The following NCALD variants were observed in gnomAD, a reference collection of about 807,000 sequenced individuals.
NCALD encodes the protein neurocalcin-delta.
A neutral mutation model predicts 18.6 loss-of-function variants in NCALD; 10 were observed. The ratio of observed to expected loss-of-function variants is 0.54; its 90% confidence interval spans 0.33 to 0.91. The LOEUF is 0.91. Among genes scored for constraint, NCALD ranks in the 40% least tolerant of loss-of-function variants. The pLI, the probability that NCALD is intolerant of heterozygous loss-of-function variation, is 0.03. For missense variants in NCALD, 184 were observed against 247.6 expected, an observed-to-expected ratio of 0.74 and a Z score of 1.72; for synonymous variants, 88 against 87.4, an observed-to-expected ratio of 1.01 and a Z score of -0.04.
At chr8:101,732,589 G>A (rs1312986397) in intron 1 of NCALD, among the ~76,000 whole-genome samples, 1 of 66,962 alleles carries the variant, frequency 1.5e-5, no homozygotes, top group African/African-American at 5.5e-5. Context: ...CTTTTTCTTT[G>A]CTTTTTTTTT....
chr8:101,698,319 G>A (rs1271199642), intron 2 of NCALD, among the ~76,000 whole-genome samples: 6 of 152,098 alleles, frequency 3.9e-5, no homozygotes, highest in Non-Finnish European at 8.8e-5. Flanking sequence ...CCATCCTCAC[G>A]GATAGGAAGA....
chr8:102,105,639 C>A (rs1825419757), intron 1 of NCALD, among the ~76,000 whole-genome samples: 1 of 152,138 alleles, frequency 6.6e-6, no homozygotes, highest in African/African-American at 2.4e-5. Flanking sequence ...TGAGCAGAGA[C>A]CACATGACCT....
intron 1 of NCALD, among the ~76,000 whole-genome samples, chr8:102,020,946 T>G (rs1277772997): frequency 6.6e-6 from 1 of 152,104 alleles, no homozygotes; most frequent in African/African-American, 2.4e-5. Context: ...CTTTCTTCCT[T>G]CCCCACTCAC....
At chr8:102,005,024 A>G (rs1465019499) in intron 2 of NCALD, among the ~76,000 whole-genome samples, 1 of 152,238 alleles carries the variant, frequency 6.6e-6, no homozygotes, top group African/African-American at 2.4e-5. Context: ...GCCAAAATTG[A>G]CAAATGGGAT....
At chr8:101,751,964 A>T (rs1169382342) in intron 1 of NCALD, among the ~76,000 whole-genome samples, 1 of 152,224 alleles carries the variant, frequency 6.6e-6, no homozygotes, top group African/African-American at 2.4e-5. Context: ...CCAGAAAAAG[A>T]TTATTTCCCC....
chr8:101,715,536 T>C (rs1391546667), intron 2 of NCALD, among the ~76,000 whole-genome samples: 1 of 152,104 alleles, frequency 6.6e-6, no homozygotes, highest in African/African-American at 2.4e-5. Context: ...ACAGGCAACC[T>C]ATAGAATGGG....
intron 4 of NCALD, among the ~76,000 whole-genome samples, chr8:101,866,587 A>G (rs1299903288): frequency 1.3e-5 from 2 of 152,148 alleles, no homozygotes; most frequent in Non-Finnish European, 2.9e-5. Context: ...TCCTATTCTC[A>G]TAACGGCAAT....
At chr8:102,052,843 AT>A (rs1485622174) in intron 1 of NCALD, among the ~76,000 whole-genome samples, 3 of 152,324 alleles carry the variant, frequency 2.0e-5, no homozygotes, top group African/African-American at 7.2e-5. Context: ...TTCCCACAAA[AT>A]TTCATTTATG....
chr8:101,984,845 A>T (rs980987133), intron 2 of NCALD, among the ~76,000 whole-genome samples: 3 of 152,268 alleles, frequency 2.0e-5, no homozygotes, highest in Non-Finnish European at 1.5e-5. Context: ...AACTCTACCC[A>T]GGGGGTACCC....
At chr8:102,089,509 C>T (rs1824854461) in intron 1 of NCALD, among the ~76,000 whole-genome samples, 1 of 151,874 alleles carries the variant, frequency 6.6e-6, no homozygotes. Context: ...GTGGTGTTTA[C>T]ATATGAAAGA....
intron 1 of NCALD, among the ~76,000 whole-genome samples, chr8:102,069,493 T>C (rs1206496200): frequency 1.3e-5 from 2 of 152,186 alleles, no homozygotes; most frequent in African/African-American, 4.8e-5. Flanking sequence ...AAAAATAAAA[T>C]GTACAATTTG....
At chr8:101,745,558 GTTCTT>G in intron 1 of NCALD, among the ~76,000 whole-genome samples, 1 of 152,204 alleles carries the variant, frequency 6.6e-6, no homozygotes, top group East Asian at 1.9e-4. Context: ...GGTTAAGACA[GTTCTT>G]TTCTGGGAAA....
chr8:102,001,639 AC>A (rs1563528541), intron 2 of NCALD, among the ~76,000 whole-genome samples: 1 of 152,234 alleles, frequency 6.6e-6, no homozygotes, highest in Non-Finnish European at 1.5e-5. Context: ...AGGTCGGGTT[AC>A]CCACAAAGGG....
rs767999555 is a variant in NCALD at position 101,787,221 on chromosome 8, G to A, written c.-20+3641C>T. On this transcript the variant is annotated intron_variant, in intron 1 of 3. Coordinates refer to ENST00000220931, the MANE Select transcript of NCALD (RefSeq NM_032041.3). ...GCTTGAGAAGCAAACAGTACAGCCT[G>A]GAGTCAGAGATTTTAAACTTTTTCC... Among the ~76,000 whole-genome samples, 28 of 152,098 alleles carry A rather than the reference G, an allele frequency of 1.8e-4. 1 individual carries two copies. The highest frequency in any genetic ancestry group is 3.5e-4 in the Non-Finnish European group (24 of 68,006).
intron 3 of NCALD, among the ~76,000 whole-genome samples, chr8:101,893,037 G>C (rs1208326611): frequency 6.7e-6 from 1 of 149,556 alleles, no homozygotes; most frequent in East Asian, 1.9e-4. Flanking sequence ...TCCTCGAGAA[G>C]AGCAACTCCA....
chr8:101,959,420 A>T lies in NCALD; in HGVS notation c.-156-43562T>A, dbSNP rs1819755572. On this transcript the variant is annotated intron_variant, in intron 2 of 6. Transcript: ENST00000311028. The stretch of plus-strand genomic sequence containing the variant: ...AAACCTGGCAGACACACCAGAGTAA[A>T]TTACTCATTTTTCTTTTGTAATATG... Among the ~76,000 whole-genome samples, 3 of 152,244 alleles carry T rather than the reference A, an allele frequency of 2.0e-5. No individual in the cohort carries two copies. The South Asian group carries it at 6.2e-4, about 32-fold the overall frequency.
intron 1 of NCALD, among the ~76,000 whole-genome samples, chr8:102,040,345 G>A (rs562487698): frequency 3.9e-5 from 6 of 152,046 alleles, no homozygotes; most frequent in East Asian, 1.9e-4. Context: ...ATGATGGTGC[G>A]TGCCTGTAAT....
chr8:102,029,770 G>A (rs935910261), intron 1 of NCALD, among the ~76,000 whole-genome samples: 8 of 152,128 alleles, frequency 5.3e-5, no homozygotes, highest in Admixed American at 2.6e-4. Flanking sequence ...ATAAGCTTGC[G>A]GTCAGGACGA....
intron 4 of NCALD, among the ~76,000 whole-genome samples, chr8:101,879,711 G>T (rs1816399360): frequency 6.6e-6 from 1 of 152,104 alleles, no homozygotes; most frequent in Non-Finnish European, 1.5e-5. Flanking sequence ...GTTTTGACAG[G>T]GTGCTGATTG....
Sources: gnomAD v4.1 joint callset for allele counts (sites outside exome capture counted in the v4.1 genomes callset) on GRCh38, gnomAD v4.1.1 for gene constraint, MANE v1.5 for transcripts, NCBI Gene and HGNC (gene_info 2026-07-23, HGNC 2026-07-21) for gene names.